The following MTMR9 variants were observed in gnomAD, a reference collection of about 807,000 sequenced individuals.
MTMR9 encodes the protein myotubularin related protein 9.
MTMR9 carries 39 observed loss-of-function variants against 69.5 expected under a neutral mutation model. That is an observed-to-expected ratio of 0.56 (90% CI 0.43 to 0.73). MTMR9 has a LOEUF of 0.73. Ranked by LOEUF, MTMR9 falls within the 30% of genes least tolerant of loss-of-function variation. The pLI is 0.00. For synonymous variants in MTMR9, 354 were observed against 240.8 expected (o/e 1.47, Z -4.35); for missense variants, 900 against 671.2 (o/e 1.34, Z -3.77).
the MTMR9 span, among the ~76,000 whole-genome samples, chr8:11,337,932 A>G: frequency 6.6e-6 from 1 of 152,242 alleles, no homozygotes; most frequent in African/African-American, 2.4e-5. Context: ...GACAATGAAT[A>G]TAAATAGAAT....
At chr8:11,321,564 G>T in intron 9 of MTMR9, 1 of 453,128 alleles carries the variant, frequency 2.2e-6, no homozygotes, top group Non-Finnish European at 4.5e-6. Context: ...TGCCATGCCG[G>T]AGTTTCAGTG....
At chr8:11,332,828 C>T (rs1431063346), downstream of MTMR9, among the ~76,000 whole-genome samples, 1 of 152,140 alleles carries the variant, frequency 6.6e-6, no homozygotes, top group Non-Finnish European at 1.5e-5. Flanking sequence ...TCTCAAACTC[C>T]TGACCTTGTG....
chr8:11,314,998 C>A lies in MTMR9; in HGVS notation c.1047C>A (p.Ile349=). 1 of 1,613,994 alleles carries A rather than the reference C, an allele frequency of 6.2e-7. No homozygotes were observed. Among genetic ancestry groups the A allele is most frequent in the Admixed American group, 1.7e-5 (1 of 60,008 alleles). The change falls in exon 7 of 10, where the codon ATC becomes ATA. Residue 349 remains isoleucine (I), a synonymous_variant. Coordinates refer to ENST00000221086, the MANE Select transcript of MTMR9 (RefSeq NM_015458.4). Reference sequence around the variant, plus strand: ...TCCAGGTGACCTCCTTGGCCCAGATCATCTTAGAGCCAAGAAGCAGGACCA... The same window carrying A: ...TCCAGGTGACCTCCTTGGCCCAGATAATCTTAGAGCCAAGAAGCAGGACCA... ...STLQVTSLAQ[I]ILEPRSRTIR...
the MTMR9 span, among the ~76,000 whole-genome samples, chr8:11,334,688 C>G: frequency 1.1e-3 from 164 of 152,156 alleles, 3 homozygotes; most frequent in South Asian, 2.5e-3. Context: ...AATGTAATCA[C>G]TTTTCAATCA....
At chr8:11,287,987 TATATATTAC>T (rs1799239023) in intron 1 of MTMR9, among the ~76,000 whole-genome samples, 1 of 127,370 alleles carries the variant, frequency 7.9e-6, no homozygotes, top group Non-Finnish European at 1.6e-5. Context: ...TATTATATAA[TATATATTAC>T]ATATAATACA....
At chr8:11,301,680 C>T (rs1799753499) in intron 3 of MTMR9, among the ~76,000 whole-genome samples, 1 of 152,152 alleles carries the variant, frequency 6.6e-6, no homozygotes, top group South Asian at 2.1e-4. Flanking sequence ...GTGTATACAA[C>T]TGTCAAGACT....
At chr8:11,308,902 C>T (rs1253653682) in intron 5 of MTMR9, among the ~76,000 whole-genome samples, 4 of 152,182 alleles carry the variant, frequency 2.6e-5, no homozygotes, top group African/African-American at 7.2e-5. Context: ...GTCTCATCAC[C>T]ACAAGGCCAG....
chr8:11,298,720 A>G (rs866331301), intron 2 of MTMR9: 15 of 727,912 alleles, frequency 2.1e-5, no homozygotes, highest in Non-Finnish European at 2.1e-5. Flanking sequence ...TCCCCGCTGC[A>G]CCCCCCCCCC....
At chr8:11,312,830 T>C (rs989094447) in intron 6 of MTMR9, among the ~76,000 whole-genome samples, 2 of 152,240 alleles carry the variant, frequency 1.3e-5, no homozygotes, top group African/African-American at 2.4e-5. Context: ...GCCTGCAGAA[T>C]AGATGTTGTT....
chr8:11,320,736 G>C (rs1800645407), intron 9 of MTMR9: 1 of 152,004 alleles, frequency 6.6e-6, no homozygotes, highest in Non-Finnish European at 1.5e-5. Context: ...TTCTCAAAAA[G>C]ATAAAAATAA....
At chr8:11,319,657 A>G (rs1260175296) in intron 8 of MTMR9, 30 bp from the exon 9 acceptor site, 2 of 1,609,666 alleles carry the variant, frequency 1.2e-6, no homozygotes, top group South Asian at 1.1e-5. Flanking sequence ...TAAATTAATT[A>G]CTTTAATGGC....
chr8:11,317,567 C>T (rs1800479899), intron 8 of MTMR9: 1 of 152,162 alleles, frequency 6.6e-6, no homozygotes. Context: ...CTGCCACTCA[C>T]CTCCTGCTGT....
intron 8 of MTMR9, chr8:11,317,400 A>C (rs1800468069): frequency 6.6e-6 from 1 of 152,252 alleles, no homozygotes; most frequent in Non-Finnish European, 1.5e-5. Context: ...TTTTGGGGTG[A>C]AACTGTTCCA....
chr8:11,302,079 T>C (rs2736388), intron 3 of MTMR9, among the ~76,000 whole-genome samples: 100,527 of 151,518 alleles, frequency 0.66, 34,952 homozygotes, highest in East Asian at 0.89. Flanking sequence ...GGCAACATGG[T>C]GAAACCCCAT....
chr8:11,332,705 A>G (rs1801283652), downstream of MTMR9, among the ~76,000 whole-genome samples: 1 of 152,022 alleles, frequency 6.6e-6, no homozygotes, highest in East Asian at 1.9e-4. Flanking sequence ...GGGTTCAAGC[A>G]ATTCTCCTAC....
At chr8:11,322,410 C>G (rs536494356) in intron 9 of MTMR9, among the ~76,000 whole-genome samples, 7 of 152,316 alleles carry the variant, frequency 4.6e-5, no homozygotes, top group African/African-American at 1.4e-4. Flanking sequence ...CATGTACATA[C>G]AAGTAGTGAC....
At chr8:11,295,665 C>T (rs908493128) in intron 2 of MTMR9, among the ~76,000 whole-genome samples, 2 of 152,164 alleles carry the variant, frequency 1.3e-5, no homozygotes, top group Admixed American at 1.3e-4. Context: ...TAAAGAGGTT[C>T]TTGGGAGAAA....
Position 11,309,618 on chromosome 8 carries a change from G to A in MTMR9, c.901G>A (p.Ala301Thr), listed in dbSNP as rs763250923. Residue 301 changes from alanine (A) to threonine (T), a missense_variant, in exon 6 of 10, where the codon GCC becomes ACC. Coordinates refer to ENST00000221086, the MANE Select transcript of MTMR9 (RefSeq NM_015458.4). ...NMDRWLSKLE[A>T]SNWLTHIKEI... ...GGACCGATGGCTCAGTAAATTGGAG[G>A]CCTCTAACTGGCTGACTCACATCAA... 5.0e-6 allele frequency: 8 copies of A among 1,613,802 alleles called. No homozygotes were observed. The highest frequency in any genetic ancestry group is 2.7e-5 in the African/African-American group (2 of 74,896).
Position 11,305,873 on chromosome 8 carries a change from C to G in MTMR9, c.592-317C>G, listed in dbSNP as rs925327614. Among the ~76,000 whole-genome samples, 4 of 152,114 alleles carry G rather than the reference C, an allele frequency of 2.6e-5. No individual in the cohort carries two copies. The South Asian group carries it at 6.2e-4, about 24-fold the overall frequency. ...TTACTGGCTCATAGGCCATTATTGTCTTTATTACAGGTCCAGGTCTACAGG... is the reference window on the plus strand; with the variant it reads ...TTACTGGCTCATAGGCCATTATTGTGTTTATTACAGGTCCAGGTCTACAGG... On this transcript the variant is annotated intron_variant, in intron 4 of 9. Transcript: ENST00000221086.
Sources: gnomAD v4.1 joint callset for allele counts (sites outside exome capture counted in the v4.1 genomes callset) on GRCh38, gnomAD v4.1.1 for gene constraint, MANE v1.5 for transcripts, NCBI Gene and HGNC (gene_info 2026-07-23, HGNC 2026-07-21) for gene names.